Variants in IQCB1 observed in about 807,000 individuals in gnomAD.
IQCB1 encodes IQ calmodulin-binding motif-containing protein 1.
IQCB1 carries 56 observed loss-of-function variants against 84.4 expected under a neutral mutation model. The ratio of observed to expected loss-of-function variants is 0.66; its 90% CI spans 0.54 to 0.83. The LOEUF (loss-of-function observed/expected upper bound fraction) is 0.83, where lower values mean the gene tolerates loss of function less well. IQCB1 is among the 40% of genes least tolerant of loss of function. IQCB1 has a pLI of 0.00. For synonymous variants in IQCB1, 210 were observed against 234.8 expected, an observed-to-expected ratio of 0.89 and a Z score of 0.96; for missense variants, 629 against 682.1, an observed-to-expected ratio of 0.92 and a Z score of 0.87.
In IQCB1 at chr3:121,770,459, T is replaced by C. The variant is rs1947923205; in HGVS notation, c.1683A>G (p.Gln561=). The change falls in exon 15 of 15, where the codon CAA becomes CAG. Residue 561 remains glutamine (Q), a synonymous_variant. Transcript: ENST00000310864. The part of the protein sequence containing the change: ...QAHLTTLKHI[Q]APWWKKLGEE... The stretch of plus-strand genomic sequence containing the variant: ...CTCCAAGCTTCTTCCACCAGGGTGC[T>C]TGTATGTGCTTCAGGGTTGTGAGAT... The C allele has an allele frequency of 6.2e-7, 1 of 1,614,122 alleles. No homozygotes were observed. The highest frequency in any genetic ancestry group is 1.3e-5 in the African/African-American group (1 of 74,952).
At chr3:121,790,594 C>T (rs559314002) in intron 10 of IQCB1, among the ~76,000 whole-genome samples, 11 of 152,184 alleles carry the variant, frequency 7.2e-5, no homozygotes, top group Admixed American at 2.0e-4. Flanking sequence ...CTCACAACAG[C>T]GAGTTGGATA....
Position 121,799,176 on chromosome 3 carries a change from A to G in IQCB1, c.766+20T>C, listed in dbSNP as rs1307262792. The G allele has an allele frequency of 6.3e-7, 1 of 1,583,570 alleles. No homozygotes were observed. Among genetic ancestry groups the G allele is most frequent in the Admixed American group, 1.7e-5 (1 of 58,612 alleles). On this transcript the variant is annotated intron_variant, in intron 8 of 14. Transcript: ENST00000310864. Reference sequence around the variant, plus strand: ...TTTTCTTTTTGAGAATCCCAAGAAAAGAAAGAATGAATGTACTACCTTTGT... The same window carrying G: ...TTTTCTTTTTGAGAATCCCAAGAAAGGAAAGAATGAATGTACTACCTTTGT...
At chr3:121,801,810 CTTTTTTTTTT>C (rs5852277) in intron 7 of IQCB1, among the ~76,000 whole-genome samples, 59 of 89,922 alleles carry the variant, frequency 6.6e-4, no homozygotes, top group Non-Finnish European at 1.1e-3. Flanking sequence ...GCTGCAAGGC[CTTTTTTTTTT>C]TTTTTTTTTT....
intron 8 of IQCB1, among the ~76,000 whole-genome samples, chr3:121,797,748 A>C (rs1367184027): frequency 6.6e-6 from 1 of 152,070 alleles, no homozygotes; most frequent in African/African-American, 2.4e-5. Flanking sequence ...CTGGGAAAAC[A>C]TTATAGGTGA....
At chr3:121,788,946 G>A (rs546324979) in intron 11 of IQCB1, among the ~76,000 whole-genome samples, 54 of 152,264 alleles carry the variant, frequency 3.5e-4, no homozygotes, top group South Asian at 8.3e-4. Flanking sequence ...AAAGGGGGGC[G>A]TATTTGGGGA....
chr3:121,806,401 C>T (rs1357189129), intron 7 of IQCB1, among the ~76,000 whole-genome samples: 4 of 152,068 alleles, frequency 2.6e-5, no homozygotes, highest in African/African-American at 4.8e-5. Flanking sequence ...GATTAGACTC[C>T]GTTTCCTCAA....
chr3:121,831,119 T>C (rs7612301), intron 2 of IQCB1, among the ~76,000 whole-genome samples: 97,278 of 151,290 alleles, frequency 0.64, 31,787 homozygotes, highest in African/African-American at 0.71. Context: ...AGGGAGGACA[T>C]GGAAGCTCTG....
intron 13 of IQCB1, among the ~76,000 whole-genome samples, chr3:121,778,855 C>T (rs368410288): frequency 1.1e-4 from 17 of 149,800 alleles, no homozygotes; most frequent in African/African-American, 3.7e-4. Context: ...GCAGAGATTG[C>T]GCCACTGCAC....
In IQCB1 at chr3:121,782,622, A is replaced by G. The variant is rs370465851; in HGVS notation, c.1279-748T>C. On this transcript the variant is annotated intron_variant, in intron 12 of 14. Transcript: ENST00000310864. Reference sequence around the variant, plus strand: ...AATATTTAGTGGCACGTAAAATTATAAAAGAATATTTAGTGGCATGTAAAA... The same window carrying G: ...AATATTTAGTGGCACGTAAAATTATGAAAGAATATTTAGTGGCATGTAAAA... Among the ~76,000 whole-genome samples, 6 of 152,360 alleles carry G rather than the reference A, an allele frequency of 3.9e-5. No homozygotes were observed. The East Asian group carries it at 7.7e-4, about 20-fold the overall frequency.
intron 1 of IQCB1, 38 bp downstream of exon 1, chr3:121,834,928 G>GCCCTCT (rs1001804600): frequency 2.9e-6 from 1 of 343,328 alleles, no homozygotes; most frequent in Non-Finnish European, 5.5e-6. Context: ...GCGCCCTGGG[G>GCCCTCT]CCCTCTCCCT....
intron 5 of IQCB1, among the ~76,000 whole-genome samples, chr3:121,812,328 A>G (rs1159035473): frequency 6.6e-6 from 1 of 152,216 alleles, no homozygotes; most frequent in Non-Finnish European, 1.5e-5. Context: ...AACCAGCACA[A>G]AAAGGCTGAA....
chr3:121,770,218 G>T lies in IQCB1; in HGVS notation c.*127C>A, dbSNP rs745717965. On this transcript the variant is annotated 3_prime_UTR_variant, in exon 15 of 15. Coordinates refer to ENST00000310864, the MANE Select transcript of IQCB1 (RefSeq NM_001023570.4). ...GAATATAACTCTTTGCTTACTGCAG[G>T]TCTTGTCTGGAGGAGAACCTCTGGA... 6 of 675,804 alleles carry T rather than the reference G, an allele frequency of 8.9e-6. No individual in the cohort carries two copies. The highest frequency in any genetic ancestry group is 1.6e-5 in the Non-Finnish European group (6 of 379,532). 41.9% of individuals were successfully genotyped at this position (675,804 alleles called of 1,614,324 possible). A position where few individuals can be genotyped will look rare whatever the true frequency, so the allele number is the denominator to read the frequency against.
At chr3:121,781,702 T>C (rs1162853662) in intron 13 of IQCB1, 41 bp downstream of exon 13, 4 of 1,542,980 alleles carry the variant, frequency 2.6e-6, no homozygotes, top group Admixed American at 1.7e-5. Flanking sequence ...ATATCATGCA[T>C]TGGAATAATG....
rs772081031 is a variant in IQCB1 at position 121,826,200 on chromosome 3, T to G, written c.264-20A>C. 6.2e-7 allele frequency: 1 copy of G among 1,613,024 alleles called. No homozygotes were observed. ...CAATGGCTGAAATAAGAGCACAAGT[T>G]CGTGTTAATTAGAAGTTTATGTTGA... On this transcript the variant is annotated intron_variant, in intron 4 of 14. Coordinates refer to ENST00000310864, the MANE Select transcript of IQCB1 (RefSeq NM_001023570.4).
chr3:121,805,223 T>C (rs1351089827), intron 7 of IQCB1, among the ~76,000 whole-genome samples: 1 of 152,182 alleles, frequency 6.6e-6, no homozygotes, highest in Non-Finnish European at 1.5e-5. Context: ...AATCACCCGT[T>C]GAATCGTAGT....
chr3:121,832,964 CA>C (rs1315784931), intron 2 of IQCB1, among the ~76,000 whole-genome samples: 4 of 152,160 alleles, frequency 2.6e-5, no homozygotes, highest in Non-Finnish European at 5.9e-5. Flanking sequence ...TACACATACA[CA>C]GGGTATCTTT....
At chr3:121,773,434 T>C (rs1948093868) in intron 13 of IQCB1, among the ~76,000 whole-genome samples, 1 of 152,056 alleles carries the variant, frequency 6.6e-6, no homozygotes, top group South Asian at 2.1e-4. Flanking sequence ...AAGCCATATG[T>C]TGTAACTGCT....
At chr3:121,829,743 T>TTTTCCCTTTGCTGATTTTGCTTTA (rs1950569634) in intron 2 of IQCB1, among the ~76,000 whole-genome samples, 2 of 152,184 alleles carry the variant, frequency 1.3e-5, no homozygotes, top group African/African-American at 4.8e-5. Context: ...CCAATATGCT[T>TTTTCCCTTTGCTGATTTTGCTTTA]TTTCCCTTTG....
At chr3:121,783,226 C>T (rs1358528982) in intron 12 of IQCB1, among the ~76,000 whole-genome samples, 1 of 152,186 alleles carries the variant, frequency 6.6e-6, no homozygotes, top group Admixed American at 6.5e-5. Flanking sequence ...CCCACTTACC[C>T]TGTCCCCTGA....
Sources: gnomAD v4.1 joint callset for allele counts (sites outside exome capture counted in the v4.1 genomes callset) on GRCh38, gnomAD v4.1.1 for gene constraint, MANE v1.5 for transcripts, NCBI Gene and HGNC (gene_info 2026-07-23, HGNC 2026-07-21) for gene names.